RAD51B: variants seen among roughly 807,000 people sequenced by gnomAD.
The protein encoded by RAD51B is RAD51 paralog B.
RAD51B carries 38 observed loss-of-function variants against 42.2 expected under a neutral mutation model. That is an observed-to-expected ratio of 0.90 (90% confidence interval 0.70 to 1.18). RAD51B has a LOEUF of 1.18. RAD51B is among the 50% of genes most tolerant of loss of function. The pLI is 0.00. For synonymous variants in RAD51B, 154 were observed against 145.2 expected, an observed-to-expected ratio of 1.06 and a Z score of -0.43; for missense variants, 373 against 400.7, an observed-to-expected ratio of 0.93 and a Z score of 0.59.
At chr14:68,312,195 C>T (rs1324705989) in intron 8 of RAD51B, among the ~76,000 whole-genome samples, 2 of 152,008 alleles carry the variant, frequency 1.3e-5, no homozygotes, top group East Asian at 1.9e-4. Context: ...GAAGCTGTTT[C>T]TGATTGTGAA....
At chr14:68,409,373 A>G (rs1180153274) in intron 8 of RAD51B, among the ~76,000 whole-genome samples, 1 of 152,230 alleles carries the variant, frequency 6.6e-6, no homozygotes, top group Non-Finnish European at 1.5e-5. Context: ...AAGAAGTTCT[A>G]CATGTTAATA....
intron 7 of RAD51B, among the ~76,000 whole-genome samples, chr14:68,066,555 T>C (rs1288998380): frequency 6.6e-6 from 1 of 152,304 alleles, no homozygotes; most frequent in East Asian, 1.9e-4. Context: ...AAAGTATTAA[T>C]AATGCATTGA....
At chr14:67,895,744 C>T (rs1409334466) in intron 7 of RAD51B, among the ~76,000 whole-genome samples, 11 of 152,084 alleles carry the variant, frequency 7.2e-5, no homozygotes. Flanking sequence ...AGTTCTCTTC[C>T]TTCTGGCTCC....
intron 9 of RAD51B, among the ~76,000 whole-genome samples, chr14:68,436,835 T>C (rs2085159266): frequency 6.6e-6 from 1 of 152,158 alleles, no homozygotes; most frequent in South Asian, 2.1e-4. Context: ...TATTGGTGTA[T>C]AGGAATGCTA....
At chr14:68,424,097 C>T (rs979549423) in intron 9 of RAD51B, among the ~76,000 whole-genome samples, 1 of 152,196 alleles carries the variant, frequency 6.6e-6, no homozygotes, top group African/African-American at 2.4e-5. Flanking sequence ...TCACCTCTCT[C>T]CTCCAGTAAG....
chr14:67,873,577 C>T (rs1182534322), intron 5 of RAD51B, among the ~76,000 whole-genome samples: 1 of 151,922 alleles, frequency 6.6e-6, no homozygotes, highest in African/African-American at 2.4e-5. Context: ...ACCCAGCCAT[C>T]CAATTACTGG....
At chr14:68,440,185 C>G (rs535377317) in intron 9 of RAD51B, among the ~76,000 whole-genome samples, 35 of 152,306 alleles carry the variant, frequency 2.3e-4, no homozygotes, top group African/African-American at 7.7e-4. Context: ...TAAGGCTGCT[C>G]TTACTGACTT....
At chr14:67,922,785 G>A (rs910916059) in intron 7 of RAD51B, among the ~76,000 whole-genome samples, 20 of 150,262 alleles carry the variant, frequency 1.3e-4, no homozygotes, top group African/African-American at 3.7e-4. Flanking sequence ...TCCACCTCCC[G>A]GGTTCAAGCG....
chr14:68,465,991 TA>T (rs1189213059), intron 9 of RAD51B, among the ~76,000 whole-genome samples: 1 of 146,422 alleles, frequency 6.8e-6, no homozygotes, highest in Non-Finnish European at 1.5e-5. Context: ...AATAAATAAA[TA>T]AATTCACATT....
At chr14:68,297,301 A>G (rs1253091934) in intron 8 of RAD51B, among the ~76,000 whole-genome samples, 5 of 152,294 alleles carry the variant, frequency 3.3e-5, no homozygotes, top group African/African-American at 1.2e-4. Context: ...ATGTTTGAAA[A>G]TGTGGCTCCC....
In RAD51B at chr14:68,435,492, GTT is replaced by G. The variant is rs35536205; in HGVS notation, c.957+23982_957+23983del. 6.1e-3 allele frequency among the ~76,000 whole-genome samples: 777 copies of G among 128,108 alleles called. 10 individuals carry two copies. Among genetic ancestry groups the G allele is most frequent in the African/African-American group, 0.02 (697 of 35,188 alleles). 84.0% of individuals were successfully genotyped at this position (128,108 alleles called of 152,430 possible). On this transcript the variant is annotated intron_variant, in intron 9 of 10. Transcript: ENST00000471583. The stretch of plus-strand genomic sequence containing the variant: ...AACATCTAAGTACATGTGGTTTTTG[GTT>G]TTTTTTTTTTTTTTTTGGGAGAACA...
At chr14:68,521,350 C>T (rs1210376790) in intron 10 of RAD51B, among the ~76,000 whole-genome samples, 1 of 152,192 alleles carries the variant, frequency 6.6e-6, no homozygotes, top group Non-Finnish European at 1.5e-5. Context: ...GTCTGCAGGC[C>T]AGCCAGTGAA....
exon 11 of RAD51B, chr14:68,595,837 G>A (rs777180996): frequency 2.3e-5 from 7 of 301,420 alleles, no homozygotes; most frequent in Non-Finnish European, 3.9e-5. Flanking sequence ...TAGTAGTTCT[G>A]TAAGAAAAAA....
chr14:68,478,207 G>A (rs776831936), downstream of RAD51B: 1 of 1,002,784 alleles, frequency 1.0e-6, no homozygotes, highest in Non-Finnish European at 1.2e-6. Context: ...GGTCGACTCT[G>A]TGTCAGAGGG....
chr14:68,642,500 C>G (rs1892482872), intron 10 of RAD51B, among the ~76,000 whole-genome samples: 1 of 152,190 alleles, frequency 6.6e-6, no homozygotes, highest in South Asian at 2.1e-4. Flanking sequence ...TTAGTCCTCT[C>G]TCTTTTCTTA....
intron 7 of RAD51B, among the ~76,000 whole-genome samples, chr14:67,930,037 G>A (rs956743915): frequency 5.3e-5 from 8 of 152,072 alleles, no homozygotes; most frequent in African/African-American, 1.9e-4. Context: ...GTTTCCGTTT[G>A]TGTGGAATAT....
rs181942488 is a variant in RAD51B, at chr14:68,491,508, C to T, written c.1036+23258C>T. On this transcript the variant is annotated intron_variant, in intron 10 of 10. Transcript: ENST00000487270. ...TTAATTTCAAAAACCAAAGTAGCCC[C>T]AGTTGGTCTTTTCTCTACACCAAAA... Among the ~76,000 whole-genome samples, 3 of 152,282 alleles carry T rather than the reference C, an allele frequency of 2.0e-5. No individual in the cohort carries two copies. The East Asian group carries it at 5.8e-4, about 29-fold the overall frequency.
intron 7 of RAD51B, among the ~76,000 whole-genome samples, chr14:68,072,210 T>TTA (rs60687017): frequency 2.5e-4 from 34 of 136,862 alleles, no homozygotes; most frequent in East Asian, 8.0e-4. Flanking sequence ...TTTCTAGGTT[T>TTA]TATATATATA....
intron 9 of RAD51B, among the ~76,000 whole-genome samples, chr14:68,449,434 T>G (rs1162567629): frequency 6.6e-6 from 1 of 152,238 alleles, no homozygotes; most frequent in African/African-American, 2.4e-5. Flanking sequence ...ATCTAACTGT[T>G]TTTAAATGTC....
Sources: gnomAD v4.1 joint callset for allele counts (sites outside exome capture counted in the v4.1 genomes callset) on GRCh38, gnomAD v4.1.1 for gene constraint, MANE v1.5 for transcripts, NCBI Gene and HGNC (gene_info 2026-07-23, HGNC 2026-07-21) for gene names.